The following CDCA2 variants were observed in gnomAD, a reference collection of about 807,000 sequenced individuals.
CDCA2 encodes the protein cell division cycle-associated protein 2.
In CDCA2, 44 loss-of-function variants were observed where a neutral mutation model predicts 67.0. That is an observed-to-expected ratio of 0.66 (90% CI 0.52 to 0.84). The LOEUF (loss-of-function observed/expected upper bound fraction) is 0.84, where lower values mean the gene tolerates loss of function less well. Among genes scored for constraint, CDCA2 ranks in the 40% least tolerant of loss-of-function variants. The probability of loss-of-function intolerance (pLI) is 0.00; values close to 1 mark genes in which losing one functional copy is unlikely to be tolerated. For missense variants in CDCA2, 1,253 were observed against 1,203.2 expected (o/e 1.04, Z -0.61); for synonymous variants, 447 against 418.7 (o/e 1.07, Z -0.82).
chr8:25,487,188 G>A, intron 11 of CDCA2, 58 bp from the exon 12 acceptor site: 3 of 1,000,358 alleles, frequency 3.0e-6, no homozygotes, highest in Non-Finnish European at 4.8e-6. Context: ...TCCAAAGGAA[G>A]ATGTATGTTA....
chr8:25,500,445 G>A (rs1804427171), intron 13 of CDCA2, among the ~76,000 whole-genome samples: 4 of 152,042 alleles, frequency 2.6e-5, no homozygotes, highest in Admixed American at 2.6e-4. Flanking sequence ...TCATTCCACA[G>A]TGCATACATA....
Position 25,468,415 on chromosome 8 carries a change from TAA to T in CDCA2, c.735+3_735+4del. 6.2e-7 allele frequency: 1 copy of T among 1,608,070 alleles called. No individual in the cohort carries two copies. Among genetic ancestry groups the T allele is most frequent in the Non-Finnish European group, 8.5e-7 (1 of 1,176,548 alleles). ...GAAACTTCTGTAGATCTTTCTGAGGTAATTCACTTACTTTACGCATAGGAAAA... is the reference window on the plus strand; with the variant it reads ...GAAACTTCTGTAGATCTTTCTGAGGTTTCACTTACTTTACGCATAGGAAAA... On this transcript the variant is annotated splice_donor_region_variant and intron_variant, in intron 6 of 14. Coordinates refer to ENST00000330560, the MANE Select transcript of CDCA2 (RefSeq NM_152562.4).
chr8:25,492,615 T>C (rs1372315253), intron 13 of CDCA2, among the ~76,000 whole-genome samples: 1 of 152,102 alleles, frequency 6.6e-6, no homozygotes, highest in Non-Finnish European at 1.5e-5. Context: ...TAAGGAAAAG[T>C]AGATTTTATA....
At chr8:25,465,628 C>T (rs941775466) in intron 4 of CDCA2, among the ~76,000 whole-genome samples, 2 of 150,634 alleles carry the variant, frequency 1.3e-5, no homozygotes, top group Non-Finnish European at 2.9e-5. Flanking sequence ...AGGAAATATC[C>T]TCCAGGTCCC....
Position 25,498,203 on chromosome 8 carries a change from A to ATTTTG in CDCA2, c.1672-5152_1672-5148dup, listed in dbSNP as rs542877218. On this transcript the variant is annotated intron_variant, in intron 13 of 14. Transcript: ENST00000330560. Reference sequence around the variant, plus strand: ...TGGTTTTTGTGTTTTGTTGAATTACATTTTGTTTTGTTTTGTTTTGTTGGA... The same window carrying ATTTTG: ...TGGTTTTTGTGTTTTGTTGAATTACATTTTGTTTTGTTTTGTTTTGTTTTGTTGGA... Among the ~76,000 whole-genome samples the ATTTTG allele has an allele frequency of 1.9e-4, 29 of 152,002 alleles. No individual in the cohort carries two copies. The South Asian group carries it at 4.6e-3, about 24-fold the overall frequency.
In CDCA2 at chr8:25,479,926, T is replaced by C. The variant is rs771050111; in HGVS notation, c.834T>C (p.Ala278=). 1.1e-5 allele frequency: 18 copies of C among 1,614,104 alleles called. No individual in the cohort carries two copies. The Admixed American group carries it at 2.5e-4, about 22-fold the overall frequency. The change falls in exon 8 of 15, where the codon GCT becomes GCC. Residue 278 remains alanine (A), a synonymous_variant. Coordinates refer to ENST00000330560, the MANE Select transcript of CDCA2 (RefSeq NM_152562.4). ...LTETSNALKV[A]DCVVGKGSSD... ...TTTATCTTGAAGCACTAAAGGTTGC[T>C]GACTGTGTAGTGGGCAAAGGATCAA...
At chr8:25,488,809 A>C in intron 13 of CDCA2, 120 bp downstream of exon 13, 3 of 979,196 alleles carry the variant, frequency 3.1e-6, no homozygotes, top group African/African-American at 1.7e-5. Flanking sequence ...TTATTAATGC[A>C]ATCTTACCGT....
At chr8:25,496,506 C>T (rs763825266) in intron 13 of CDCA2, among the ~76,000 whole-genome samples, 2 of 151,906 alleles carry the variant, frequency 1.3e-5, no homozygotes, top group African/African-American at 2.4e-5. Context: ...AAAGAAACAC[C>T]GTATAGAATG....
intron 13 of CDCA2, among the ~76,000 whole-genome samples, chr8:25,503,029 C>T (rs1245972521): frequency 6.6e-6 from 1 of 152,160 alleles, no homozygotes; most frequent in East Asian, 1.9e-4. Context: ...CACTTGTAAT[C>T]CCAGCACTTT....
At chr8:25,460,166 G>A in intron 1 of CDCA2, 74 bp from the exon 2 acceptor site, 1 of 1,431,934 alleles carries the variant, frequency 7.0e-7, no homozygotes, top group Non-Finnish European at 9.9e-7. Context: ...ATTCAGTCCT[G>A]AATAAGGTAC....
intron 14 of CDCA2, among the ~76,000 whole-genome samples, chr8:25,505,884 C>A (rs1374655805): frequency 6.6e-6 from 1 of 152,098 alleles, no homozygotes; most frequent in Non-Finnish European, 1.5e-5. Context: ...ACATGAAAGC[C>A]TACCCACACG....
At chr8:25,491,208 A>G (rs1252716462) in intron 13 of CDCA2, among the ~76,000 whole-genome samples, 1 of 152,162 alleles carries the variant, frequency 6.6e-6, no homozygotes, top group East Asian at 1.9e-4. Context: ...ACACCATAGG[A>G]CTCTTAGGAA....
In CDCA2 at chr8:25,503,429, T is replaced by C; in HGVS notation, c.1728T>C (p.Ser576=). The part of the protein sequence containing the change: ...KGKGKKSVQK[S]LYGERDIASK... ...AGGGAAAGAAAAGTGTTCAGAAATCTTTATATGGGGAAAGAGACATTGCTT... is the reference window on the plus strand; with the variant it reads ...AGGGAAAGAAAAGTGTTCAGAAATCCTTATATGGGGAAAGAGACATTGCTT... The change falls in exon 14 of 15, where the codon TCT becomes TCC. Residue 576 remains serine, a synonymous_variant. Transcript: ENST00000330560. The C allele has an allele frequency of 6.2e-7, 1 of 1,614,108 alleles. No homozygotes were observed. The highest frequency in any genetic ancestry group is 1.1e-5 in the South Asian group (1 of 91,082).
intron 5 of CDCA2, 32 bp from the exon 6 acceptor site, chr8:25,468,185 T>G: frequency 3.2e-6 from 4 of 1,243,228 alleles, no homozygotes; most frequent in South Asian, 1.6e-5. Flanking sequence ...CATTTATGCC[T>G]GTGTCGTTTT....
At chr8:25,489,839 A>C (rs1803932961) in intron 13 of CDCA2, among the ~76,000 whole-genome samples, 2 of 152,198 alleles carry the variant, frequency 1.3e-5, no homozygotes, top group South Asian at 4.1e-4. Flanking sequence ...TAATGACCAT[A>C]TATGAAGACC....
chr8:25,482,179 C>T (rs924084785), intron 8 of CDCA2, among the ~76,000 whole-genome samples: 2 of 152,234 alleles, frequency 1.3e-5, no homozygotes, highest in Non-Finnish European at 2.9e-5. Context: ...CTTGCCTACA[C>T]TGTATTCTTT....
chr8:25,492,244 C>A (rs1191517552), intron 13 of CDCA2, among the ~76,000 whole-genome samples: 2 of 152,184 alleles, frequency 1.3e-5, no homozygotes, highest in African/African-American at 4.8e-5. Flanking sequence ...AGCCAACATG[C>A]CCAGCCAGAA....
intron 7 of CDCA2, among the ~76,000 whole-genome samples, chr8:25,470,324 T>C (rs537965558): frequency 6.6e-6 from 1 of 152,356 alleles, no homozygotes; most frequent in African/African-American, 2.4e-5. Context: ...ATGTAAAAAT[T>C]ATTCTTTCTC....
chr8:25,459,785 A>T (rs73220083), intron 1 of CDCA2, among the ~76,000 whole-genome samples: 60,922 of 151,832 alleles, frequency 0.4, 12,624 homozygotes, highest in African/African-American at 0.52. Flanking sequence ...ACGCGCTTAG[A>T]GTAAAAGAAT....
Sources: gnomAD v4.1 joint callset for allele counts (sites outside exome capture counted in the v4.1 genomes callset) on GRCh38, gnomAD v4.1.1 for gene constraint, MANE v1.5 for transcripts, NCBI Gene and HGNC (gene_info 2026-07-23, HGNC 2026-07-21) for gene names.